ZMAT4: variants seen among roughly 807,000 people sequenced by gnomAD.
The protein encoded by ZMAT4 is zinc finger matrin-type protein 4.
In ZMAT4, 17 loss-of-function variants were observed where a neutral mutation model predicts 28.7. That is an observed-to-expected ratio of 0.59 (90% CI 0.41 to 0.89). The LOEUF (loss-of-function observed/expected upper bound fraction) is 0.89. ZMAT4 is among the 40% of genes least tolerant of loss of function. ZMAT4 has a pLI of 0.00. For missense variants in ZMAT4, 240 were observed against 283.8 expected, an observed-to-expected ratio of 0.85 and a Z score of 1.11; for synonymous variants, 117 against 109.2, an observed-to-expected ratio of 1.07 and a Z score of -0.44.
chr8:40,859,065 G>C (rs2150642715), intron 1 of ZMAT4, among the ~76,000 whole-genome samples: 1 of 152,326 alleles, frequency 6.6e-6, no homozygotes, highest in East Asian at 1.9e-4. Context: ...TGTAAATGCT[G>C]TTTCTTCCCC....
In ZMAT4 at chr8:40,531,063, T is replaced by A. The variant is rs1802678502; in HGVS notation, c.*1160A>T. On this transcript the variant is annotated 3_prime_UTR_variant, in exon 7 of 7. Transcript: ENST00000297737. ...CCCCAGCCAGATCCCAGCTGGTCCATGCAGGGCATCGTCAGTAGAAGCTCA... is the reference window on the plus strand; with the variant it reads ...CCCCAGCCAGATCCCAGCTGGTCCAAGCAGGGCATCGTCAGTAGAAGCTCA... 6.5e-6 allele frequency: 1 copy of A among 152,680 alleles called. No individual in the cohort carries two copies. Among genetic ancestry groups the A allele is most frequent in the Non-Finnish European group, 1.5e-5 (1 of 68,102 alleles). 9.5% of individuals were successfully genotyped at this position (152,680 alleles called of 1,614,324 possible).
intron 4 of ZMAT4, among the ~76,000 whole-genome samples, chr8:40,686,686 GAA>G (rs1316326675): frequency 6.6e-6 from 1 of 151,982 alleles, no homozygotes; most frequent in East Asian, 1.9e-4. Flanking sequence ...CAGGTACAAA[GAA>G]AATAATATCA....
chr8:40,863,142 C>T (rs994285781), intron 1 of ZMAT4, among the ~76,000 whole-genome samples: 3 of 152,070 alleles, frequency 2.0e-5, no homozygotes, highest in Admixed American at 6.5e-5. Flanking sequence ...GAGCAAGCCA[C>T]GCAGCACCAT....
chr8:40,887,053 C>T (rs2150668322), intron 1 of ZMAT4, among the ~76,000 whole-genome samples: 1 of 151,814 alleles, frequency 6.6e-6, no homozygotes, highest in Admixed American at 6.6e-5. Context: ...CGCCTGTAGT[C>T]CCAGCTACTT....
intron 5 of ZMAT4, among the ~76,000 whole-genome samples, chr8:40,668,468 CAA>C (rs71224843): frequency 0.015 from 1,233 of 85,026 alleles, 5 homozygotes; most frequent in African/African-American, 0.049. Flanking sequence ...GACTTTGTCT[CAA>C]AAAAAAAAAA....
chr8:40,625,408 G>A (rs1054822731), intron 5 of ZMAT4, among the ~76,000 whole-genome samples: 1 of 152,112 alleles, frequency 6.6e-6, no homozygotes, highest in Non-Finnish European at 1.5e-5. Flanking sequence ...TCAGGCAGGA[G>A]AGGAAGAATA....
At chr8:40,777,421 T>C (rs935562345) in intron 2 of ZMAT4, among the ~76,000 whole-genome samples, 1 of 152,148 alleles carries the variant, frequency 6.6e-6, no homozygotes, top group Non-Finnish European at 1.5e-5. Context: ...GGGGTTGCAA[T>C]TCGATCTGGT....
At chr8:40,534,056 T>C (rs1252149945) in intron 6 of ZMAT4, among the ~76,000 whole-genome samples, 1 of 152,124 alleles carries the variant, frequency 6.6e-6, no homozygotes, top group Non-Finnish European at 1.5e-5. Flanking sequence ...CATGATTACA[T>C]AGTTAGAGAA....
chr8:40,822,596 T>C (rs1815871154), intron 2 of ZMAT4, among the ~76,000 whole-genome samples: 1 of 152,180 alleles, frequency 6.6e-6, no homozygotes, highest in African/African-American at 2.4e-5. Flanking sequence ...ATGCAAGCCA[T>C]CTTCTTAGAG....
At chr8:40,538,349 T>C (rs1035718151) in intron 6 of ZMAT4, among the ~76,000 whole-genome samples, 7 of 152,182 alleles carry the variant, frequency 4.6e-5, no homozygotes, top group African/African-American at 1.7e-4. Flanking sequence ...GAACCCCGCT[T>C]CTAGTTGTCC....
intron 5 of ZMAT4, among the ~76,000 whole-genome samples, chr8:40,601,509 G>GAAAGAAAGAAAGAAAT (rs781484684): frequency 9.5e-6 from 1 of 105,414 alleles, no homozygotes; most frequent in Non-Finnish European, 2.0e-5. Flanking sequence ...AAGAAAGAAA[G>GAAAGAAAGAAAGAAAT]AGAAAGAGAA....
intron 5 of ZMAT4, among the ~76,000 whole-genome samples, chr8:40,655,915 A>T (rs1807898234): frequency 6.6e-6 from 1 of 152,060 alleles, no homozygotes; most frequent in Non-Finnish European, 1.5e-5. Context: ...TCAATGTGAT[A>T]AAAAAATGCA....
intron 1 of ZMAT4, among the ~76,000 whole-genome samples, chr8:40,844,191 G>A (rs1332020887): frequency 6.6e-6 from 1 of 152,208 alleles, no homozygotes; most frequent in Non-Finnish European, 1.5e-5. Flanking sequence ...CATGTGATAG[G>A]TAATTTTATG....
chr8:40,541,462 A>G (rs906593424), intron 6 of ZMAT4, among the ~76,000 whole-genome samples: 4 of 152,226 alleles, frequency 2.6e-5, no homozygotes, highest in African/African-American at 9.6e-5. Context: ...CCCAGTAGCC[A>G]TGTGTGGCTA....
In ZMAT4 at chr8:40,784,540, G is replaced by A. The variant is rs113093766; in HGVS notation, c.103-16810C>T. Among the ~76,000 whole-genome samples the A allele has an allele frequency of 9.1e-3, 1,381 of 152,214 alleles. 22 individuals are homozygous for A. The highest frequency in any genetic ancestry group is 0.032 in the African/African-American group (1,331 of 41,532). ...TATGGCCACTATCACTACTGCTGCC[G>A]AATATAGCACTGGAGTTCCCTGCCA... On this transcript the variant is annotated intron_variant, in intron 2 of 6. Coordinates refer to ENST00000297737, the MANE Select transcript of ZMAT4 (RefSeq NM_024645.3).
chr8:40,715,603 ATTAT>A (rs2150512029), intron 3 of ZMAT4, among the ~76,000 whole-genome samples: 1 of 152,344 alleles, frequency 6.6e-6, no homozygotes, highest in South Asian at 2.1e-4. Context: ...TTGAAAAATA[ATTAT>A]TTAGAGTAAG....
intron 5 of ZMAT4, among the ~76,000 whole-genome samples, chr8:40,630,890 A>AT (rs545908854): frequency 3.3e-3 from 506 of 152,354 alleles, no homozygotes; most frequent in Middle Eastern, 0.017. Context: ...AATAAGTAAA[A>AT]TTAATTTTAG....
Position 40,565,526 on chromosome 8 carries a change from G to A in ZMAT4, c.674+15639C>T, listed in dbSNP as rs531979943. On this transcript the variant is annotated intron_variant, in intron 6 of 6. Coordinates refer to ENST00000297737, the MANE Select transcript of ZMAT4 (RefSeq NM_024645.3). ...TGAGTAACTGGGGTTACAGACATCC[G>A]CCACCACGCCCAGCTAATTTTTTGT... Among the ~76,000 whole-genome samples, 19 of 151,318 alleles carry A rather than the reference G, an allele frequency of 1.3e-4. No individual in the cohort carries two copies. The East Asian group carries it at 1.8e-3, about 14-fold the overall frequency.
At chr8:40,599,441 T>G (rs1193952153) in intron 5 of ZMAT4, among the ~76,000 whole-genome samples, 1 of 152,212 alleles carries the variant, frequency 6.6e-6, no homozygotes, top group Non-Finnish European at 1.5e-5. Flanking sequence ...TTTTCCATAC[T>G]GACTTCCAGA....
Sources: allele counts gnomAD v4.1 joint callset (sites outside exome capture counted in the v4.1 genomes callset), GRCh38; gene constraint gnomAD v4.1.1; transcripts MANE v1.5; gene names NCBI Gene and HGNC (gene_info 2026-07-23, HGNC 2026-07-21).